The following COQ5 variants were observed in gnomAD, a reference collection of about 807,000 sequenced individuals.
COQ5 encodes 2-methoxy-6-polyprenyl-1,4-benzoquinol methylase, mitochondrial.
COQ5 carries 27 observed loss-of-function variants against 40.5 expected under a neutral mutation model. The observed-to-expected ratio is 0.67, with a 90% confidence interval of 0.49 to 0.92. The LOEUF (loss-of-function observed/expected upper bound fraction) is 0.92. Among genes scored for constraint, COQ5 ranks in the 40% least tolerant of loss-of-function variants. The pLI is 0.00. For synonymous variants in COQ5, 141 were observed against 150.0 expected, an observed-to-expected ratio of 0.94 and a Z score of 0.44; for missense variants, 409 against 406.4, an observed-to-expected ratio of 1.01 and a Z score of -0.06.
chr12:120,528,487 G>A (rs1324658646), intron 1 of COQ5, among the ~76,000 whole-genome samples: 1 of 152,104 alleles, frequency 6.6e-6, no homozygotes, highest in Non-Finnish European at 1.5e-5. Context: ...TCAGTTGATG[G>A]GATTTAGTCA....
At chr12:120,526,458 A>G (rs1281273613) in intron 1 of COQ5, 1 of 455,720 alleles carries the variant, frequency 2.2e-6, no homozygotes, top group Non-Finnish European at 4.4e-6. Flanking sequence ...TGAACTTACC[A>G]ACATGAACAA....
chr12:120,518,676 T>G (rs1427682468), intron 2 of COQ5, among the ~76,000 whole-genome samples: 1 of 152,048 alleles, frequency 6.6e-6, no homozygotes, highest in Non-Finnish European at 1.5e-5. Context: ...GCAATTCTCC[T>G]GCCTCAGCCT....
chr12:120,516,912 G>A (rs1593020125), intron 2 of COQ5, 124 bp from the exon 3 acceptor site: 6 of 843,078 alleles, frequency 7.1e-6, no homozygotes, highest in South Asian at 6.8e-5. Context: ...CTAACTGGAT[G>A]CAGTGTGGCT....
At chr12:120,509,323 C>G (rs1869023016) in intron 4 of COQ5, among the ~76,000 whole-genome samples, 1 of 152,068 alleles carries the variant, frequency 6.6e-6, no homozygotes, top group South Asian at 2.1e-4. Flanking sequence ...TCGAGATCAA[C>G]CTGGGCAACA....
intron 3 of COQ5, among the ~76,000 whole-genome samples, chr12:120,511,641 A>G (rs1375277496): frequency 6.6e-6 from 1 of 152,132 alleles, no homozygotes; most frequent in East Asian, 1.9e-4. Context: ...AAGCAAAAAG[A>G]GAAAGGTTGC....
At position 120,503,604 on chromosome 12, in the gene COQ5, A is replaced by C; in HGVS notation, c.*180T>G. On this transcript the variant is annotated 3_prime_UTR_variant, in exon 7 of 7. Transcript: ENST00000288532. ...GATGGACTGAAGCAGCTCCAAAGAA[A>C]GCTGTAAAAAAGTGACAAGAATTTG... The C allele has an allele frequency of 1.4e-6, 1 of 694,566 alleles. No individual in the cohort carries two copies. The highest frequency in any genetic ancestry group is 2.6e-6 in the Non-Finnish European group (1 of 379,844). 43.0% of individuals were successfully genotyped at this position (694,566 alleles called of 1,614,324 possible). A position where few individuals can be genotyped will look rare whatever the true frequency, so the allele number is the denominator to read the frequency against.
intron 2 of COQ5, among the ~76,000 whole-genome samples, chr12:120,518,082 C>T (rs1869465234): frequency 6.6e-6 from 1 of 152,120 alleles, no homozygotes; most frequent in Non-Finnish European, 1.5e-5. Flanking sequence ...GCTGGGATTA[C>T]AGGCATGAGC....
chr12:120,516,310 G>C (rs377206407), intron 3 of COQ5, among the ~76,000 whole-genome samples: 25 of 152,212 alleles, frequency 1.6e-4, no homozygotes, highest in African/African-American at 5.5e-4. Flanking sequence ...TGTGTGACTT[G>C]GGTAAGATTC....
At chr12:120,523,412 CTG>C in intron 1 of COQ5, 2 of 401,166 alleles carry the variant, frequency 5.0e-6, no homozygotes, top group Non-Finnish European at 9.7e-6. Flanking sequence ...TCGGGACTGG[CTG>C]TGTGTGGTGT....
In COQ5 at chr12:120,517,425, C is replaced by T. The variant is rs1328924431; in HGVS notation, c.353-637G>A. 2.0e-5 allele frequency among the ~76,000 whole-genome samples: 3 copies of T among 151,114 alleles called. No individual in the cohort carries two copies. The East Asian group carries it at 5.9e-4, about 30-fold the overall frequency. On this transcript the variant is annotated intron_variant, in intron 2 of 6. Coordinates refer to ENST00000288532, the MANE Select transcript of COQ5 (RefSeq NM_032314.4). ...GTGGCTCATGCCTGTAATCCCAGCACTTCGGGAGGCCGAGGCGGTTGGATC... is the reference window on the plus strand; with the variant it reads ...GTGGCTCATGCCTGTAATCCCAGCATTTCGGGAGGCCGAGGCGGTTGGATC...
intron 2 of COQ5, among the ~76,000 whole-genome samples, chr12:120,520,875 T>C (rs1869615014): frequency 6.6e-6 from 1 of 151,738 alleles, no homozygotes; most frequent in Non-Finnish European, 1.5e-5. Context: ...CACAAACTTT[T>C]GATATTTGAT....
Position 120,504,897 on chromosome 12 carries a change from G to A in COQ5, c.768C>T (p.Ser256=), listed in dbSNP as rs1050252190. The A allele has an allele frequency of 1.2e-6, 2 of 1,613,512 alleles. No homozygotes were observed. Among genetic ancestry groups the A allele is most frequent in the Non-Finnish European group, 1.7e-6 (2 of 1,179,644 alleles). ...AAAGCCCTATTAACAATGCCAACCTGGATATGAGGGGATTGTTCACTTGGC... is the reference window on the plus strand; with the variant it reads ...AAAGCCCTATTAACAATGCCAACCTAGATATGAGGGGATTGTTCACTTGGC... ...EFSQVNNPLI[S]RLYDLYSFQV... is the part of the protein sequence containing the mutation. Residue 256 remains serine (S), a splice_region_variant and synonymous_variant, in exon 5 of 7, where the codon TCC becomes TCT. Transcript: ENST00000288532.
At chr12:120,514,919 A>G (rs1459153560) in intron 3 of COQ5, among the ~76,000 whole-genome samples, 1 of 151,868 alleles carries the variant, frequency 6.6e-6, no homozygotes, top group African/African-American at 2.4e-5. Context: ...TCAGCCTTCA[A>G]ATAGCTGGGA....
Position 120,503,603 on chromosome 12 carries a change from A to G in COQ5, c.*181T>C, listed in dbSNP as rs1232519227. ...AGATGGACTGAAGCAGCTCCAAAGA[A>G]AGCTGTAAAAAAGTGACAAGAATTT... On this transcript the variant is annotated 3_prime_UTR_variant, in exon 7 of 7. Transcript: ENST00000288532. The G allele has an allele frequency of 5.8e-6, 4 of 693,786 alleles. No homozygotes were observed. Among genetic ancestry groups the G allele is most frequent in the Non-Finnish European group, 1.1e-5 (4 of 379,438 alleles). The allele number at this position is 693,786 out of a possible 1,614,324, so 43.0% of individuals were successfully genotyped here.
At chr12:120,523,020 T>G (rs1869748151) in intron 1 of COQ5, 1 of 513,232 alleles carries the variant, frequency 1.9e-6, no homozygotes, top group African/African-American at 2.0e-5. Context: ...GTCCACTCCC[T>G]TAAGAGATTC....
rs541310381 is a variant in COQ5, at chr12:120,522,477, A to C, written c.203-114T>G. 29 of 987,556 alleles carry C rather than the reference A, an allele frequency of 2.9e-5. No homozygotes were observed. The East Asian group carries it at 5.9e-4, about 20-fold the overall frequency. 61.2% of individuals were successfully genotyped at this position (987,556 alleles called of 1,614,324 possible). A position where few individuals can be genotyped will look rare whatever the true frequency, so the allele number is the denominator to read the frequency against. Reference sequence around the variant, plus strand: ...TGAAATGACCTGGCTTTGCAAGGTGAAACTAAGTCGTAATGCTTGATGCCC... The same window carrying C: ...TGAAATGACCTGGCTTTGCAAGGTGCAACTAAGTCGTAATGCTTGATGCCC... On this transcript the variant is annotated intron_variant, in intron 1 of 6. Coordinates refer to ENST00000288532, the MANE Select transcript of COQ5 (RefSeq NM_032314.4).
chr12:120,507,623 C>G (rs1210020182), intron 4 of COQ5, among the ~76,000 whole-genome samples: 27 of 149,602 alleles, frequency 1.8e-4, no homozygotes, highest in Admixed American at 1.7e-3. Flanking sequence ...TGCAGTGGCT[C>G]ACGCCTGTAA....
rs1868725318 is a variant in COQ5 at position 120,503,486 on chromosome 12, CTG to C, written c.*296_*297del. 6.3e-5 allele frequency: 33 copies of C among 523,856 alleles called. No homozygotes were observed. The highest frequency in any genetic ancestry group is 4.9e-4 in the South Asian group (32 of 64,690). The allele number at this position is 523,856 out of a possible 1,614,324, so 32.5% of individuals were successfully genotyped here. Reference sequence around the variant, plus strand: ...AGCTATAAATACACTCACTTCAAAACTGAGCTTTAGGGGTGGTTGTACCTTAA... The same window carrying C: ...AGCTATAAATACACTCACTTCAAAACAGCTTTAGGGGTGGTTGTACCTTAA... On this transcript the variant is annotated 3_prime_UTR_variant, in exon 7 of 7. Coordinates refer to ENST00000288532, the MANE Select transcript of COQ5 (RefSeq NM_032314.4).
chr12:120,512,014 A>G (rs1325237020), intron 3 of COQ5, among the ~76,000 whole-genome samples: 1 of 151,880 alleles, frequency 6.6e-6, no homozygotes, highest in Non-Finnish European at 1.5e-5. Context: ...GTTCAAGACC[A>G]TCCGGGCTAA....
Sources: gnomAD v4.1 joint callset for allele counts (sites outside exome capture counted in the v4.1 genomes callset) on GRCh38, gnomAD v4.1.1 for gene constraint, MANE v1.5 for transcripts, NCBI Gene and HGNC (gene_info 2026-07-23, HGNC 2026-07-21) for gene names.